The following WFS1 variants were observed in gnomAD, a reference collection of about 807,000 sequenced individuals.
The protein encoded by WFS1 is wolframin.
A neutral mutation model predicts 68.5 loss-of-function variants in WFS1; 90 were observed. The ratio of observed to expected loss-of-function variants is 1.31; its 90% CI spans 1.11 to 1.56. WFS1 has a LOEUF of 1.56. Among genes scored for constraint, WFS1 ranks in the 40% most tolerant of loss-of-function variants. WFS1 has a pLI of 0.00. For synonymous variants in WFS1, 860 were observed against 540.7 expected (o/e 1.59, Z -8.19); for missense variants, 1,767 against 1,232.6 (o/e 1.43, Z -6.49).
At chr4:6,276,949 G>A (rs1319836876) in intron 1 of WFS1, among the ~76,000 whole-genome samples, 1 of 152,208 alleles carries the variant, frequency 6.6e-6, no homozygotes, top group African/African-American at 2.4e-5. Context: ...ATCAGCTCTT[G>A]GAGCCAGGGC....
rs781575919 is a variant in WFS1, at chr4:6,300,877, C to A, written c.1082C>A (p.Thr361Asn). ...YLSFISMVICTLKVFQDSKAW... is the reference protein window; with the variant it reads ...YLSFISMVICNLKVFQDSKAW... ...TCCTTCATCTCCATGGTGATCTGCA[C>A]CCTCAAGGTGTTCCAGGACAGCAAG... Residue 361 changes from threonine (T) to asparagine (N), a missense_variant, in exon 8 of 8, where the codon ACC (threonine) becomes AAC (asparagine). Coordinates refer to ENST00000226760, the MANE Select transcript of WFS1 (RefSeq NM_006005.3). 1 of 1,614,138 alleles carries A rather than the reference C, an allele frequency of 6.2e-7. No individual in the cohort carries two copies.
In WFS1 at chr4:6,293,822, C is replaced by T. The variant is rs112592966; in HGVS notation, c.713-1219C>T. 0.032 allele frequency among the ~76,000 whole-genome samples: 4,946 copies of T among 152,270 alleles called. 119 individuals are homozygous for T. Among genetic ancestry groups the T allele is most frequent in the East Asian group, 0.054 (279 of 5,166 alleles). ...TGTGTGGGTGGCATTGGTGACCACTCTCGTGTGTCAGACGCCGTCCTGAAC... is the reference window on the plus strand; with the variant it reads ...TGTGTGGGTGGCATTGGTGACCACTTTCGTGTGTCAGACGCCGTCCTGAAC... On this transcript the variant is annotated intron_variant, in intron 6 of 7. Coordinates refer to ENST00000226760, the MANE Select transcript of WFS1 (RefSeq NM_006005.3).
rs112770295 is a variant in WFS1, at chr4:6,277,246, G to C, written c.-5-205G>C. Among the ~76,000 whole-genome samples the C allele has an allele frequency of 0.018, 2,711 of 152,356 alleles. 73 individuals carry two copies. Among genetic ancestry groups the C allele is most frequent in the African/African-American group, 0.061 (2,516 of 41,584 alleles). On this transcript the variant is annotated intron_variant, in intron 1 of 7. Transcript: ENST00000226760. ...TTGTAAGTGCCATGCCATCTGTAGA[G>C]TCACGTGGGTGAGTGTCCTCCCATG...
chr4:6,302,523 G>T lies in WFS1; in HGVS notation c.*55G>T. 1.2e-6 allele frequency: 2 copies of T among 1,605,170 alleles called. No individual in the cohort carries two copies. The highest frequency in any genetic ancestry group is 8.5e-7 in the Non-Finnish European group (1 of 1,178,296). On this transcript the variant is annotated 3_prime_UTR_variant, in exon 8 of 8. Coordinates refer to ENST00000226760, the MANE Select transcript of WFS1 (RefSeq NM_006005.3). Reference sequence around the variant, plus strand: ...CATGTTGCCATGAGGCCTTTCCCCAGTGTGGCCCCAGCCCGACAGGCATGC... The same window carrying T: ...CATGTTGCCATGAGGCCTTTCCCCATTGTGGCCCCAGCCCGACAGGCATGC...
intron 7 of WFS1, among the ~76,000 whole-genome samples, chr4:6,300,200 C>T (rs372324563): frequency 1.3e-5 from 2 of 152,144 alleles, no homozygotes; most frequent in African/African-American, 4.8e-5. Context: ...ATCGCCATTT[C>T]CCTTCATGGA....
At chr4:6,277,815 G>C in intron 2 of WFS1, 128 bp downstream of exon 2, 1 of 1,115,946 alleles carries the variant, frequency 9.0e-7, no homozygotes, top group Non-Finnish European at 1.3e-6. Flanking sequence ...CAGCTCCCAT[G>C]CTGTGCACAG....
chr4:6,302,177 G>C lies in WFS1; in HGVS notation c.2382G>C (p.Glu794Asp). The C allele has an allele frequency of 6.2e-7, 1 of 1,612,582 alleles. No homozygotes were observed. Among genetic ancestry groups the C allele is most frequent in the Non-Finnish European group, 8.5e-7 (1 of 1,179,928 alleles). ...GCGCTGACGGCTCGCGCAGCCGCGA[G>C]GAGGACGACGTCACCAAGGACATCG... ...SSGADGSRSR[E>D]EDDVTKDIVL... Residue 794 changes from glutamate (E) to aspartate (D), a missense_variant, in exon 8 of 8, where the codon GAG becomes GAC. By Grantham distance (45) the Glu-to-Asp change is conservative. Transcript: ENST00000226760.
chr4:6,291,329 C>T lies in WFS1; in HGVS notation c.593C>T (p.Ala198Val), dbSNP rs142687752. Residue 198 changes from alanine to valine, a missense_variant, in exon 5 of 8, where the codon GCG becomes GTG. Ala to Val is a moderately conservative substitution (Grantham distance 64). Transcript: ENST00000226760. The part of the protein sequence containing the change: ...NPKKKKQVAV[A>V]ELLENVGQVN... ...AAGAAGAAGAAGCAGGTGGCCGTGG[C>T]GGAGCTGCTGGAGAATGTCGGCCAG... The T allele has an allele frequency of 3.1e-6, 5 of 1,613,190 alleles. No individual in the cohort carries two copies. Among genetic ancestry groups the T allele is most frequent in the Middle Eastern group, 3.3e-4 (2 of 6,084 alleles).
chr4:6,286,778 G>A (rs1289093856), intron 2 of WFS1, among the ~76,000 whole-genome samples: 4 of 152,228 alleles, frequency 2.6e-5, no homozygotes, highest in African/African-American at 9.6e-5. Context: ...AGGCCAAGGG[G>A]TGTGATGGTG....
chr4:6,296,747 C>T (rs1560414165), intron 7 of WFS1, among the ~76,000 whole-genome samples: 1 of 152,264 alleles, frequency 6.6e-6, no homozygotes, highest in Non-Finnish European at 1.5e-5. Flanking sequence ...TGCCTCCTTG[C>T]ATATGCGTCC....
rs1730198571 is a variant in WFS1 at position 6,282,523 on chromosome 4, C to T, written c.233-4570C>T. The stretch of plus-strand genomic sequence containing the variant: ...ACCCTTGGAGACGGGAGGATTACAT[C>T]ATATTTATTTACCACATGCCTAAGA... On this transcript the variant is annotated intron_variant, in intron 2 of 7. Transcript: ENST00000226760. Among the ~76,000 whole-genome samples, 2 of 152,318 alleles carry T rather than the reference C, an allele frequency of 1.3e-5. 1 individual carries two copies. Among genetic ancestry groups the T allele is most frequent in the South Asian group, 4.1e-4 (2 of 4,832 alleles).
rs1371436094 is a variant in WFS1 at position 6,295,029 on chromosome 4, C to G, written c.713-12C>G. The G allele has an allele frequency of 5.0e-6, 8 of 1,613,288 alleles. No individual in the cohort carries two copies. The highest frequency in any genetic ancestry group is 6.8e-6 in the Non-Finnish European group (8 of 1,180,000). On this transcript the variant is annotated splice_polypyrimidine_tract_variant and intron_variant, in intron 6 of 7. Transcript: ENST00000226760. Reference sequence around the variant, plus strand: ...GTGTGGGGCGCCCATGCTGTTTTCTCTCATGCTTCAGCCAAGAACTACATC... The same window carrying G: ...GTGTGGGGCGCCCATGCTGTTTTCTGTCATGCTTCAGCCAAGAACTACATC...
At chr4:6,274,540 G>T (rs1429352031) in intron 1 of WFS1, among the ~76,000 whole-genome samples, 1 of 152,134 alleles carries the variant, frequency 6.6e-6, no homozygotes, top group African/African-American at 2.4e-5. Flanking sequence ...CTCTAGCAGA[G>T]GGAGGGCTCT....
In WFS1 at chr4:6,281,277, G is replaced by T. The variant is rs552820249; in HGVS notation, c.232+3590G>T. The stretch of plus-strand genomic sequence containing the variant: ...GGGTGTGGGGAAAGCAGGCACCCCA[G>T]CTCCTACACTAAGGGCACCCTGGGC... On this transcript the variant is annotated intron_variant, in intron 2 of 7. Coordinates refer to ENST00000226760, the MANE Select transcript of WFS1 (RefSeq NM_006005.3). Among the ~76,000 whole-genome samples the T allele has an allele frequency of 1.1e-4, 17 of 152,260 alleles. No homozygotes were observed. In the South Asian group the frequency reaches 3.5e-3, roughly 32 times the overall value.
At chr4:6,293,240 C>G (rs994518932) in intron 6 of WFS1, among the ~76,000 whole-genome samples, 1 of 152,152 alleles carries the variant, frequency 6.6e-6, no homozygotes, top group African/African-American at 2.4e-5. Context: ...TGTGATGAGC[C>G]GGGCACACCT....
chr4:6,290,282 C>T (rs1204163362), intron 4 of WFS1, among the ~76,000 whole-genome samples: 2 of 152,212 alleles, frequency 1.3e-5, no homozygotes, highest in African/African-American at 4.8e-5. Context: ...AGAGTCTTCT[C>T]TTTGAAAATT....
At chr4:6,286,942 G>T in intron 2 of WFS1, 151 bp from the exon 3 acceptor site, 1 of 754,432 alleles carries the variant, frequency 1.3e-6, no homozygotes, top group East Asian at 2.7e-5. Flanking sequence ...CATCTTCCCT[G>T]TCTGTGTCTG....
Position 6,301,480 on chromosome 4 carries a change from G to A in WFS1, c.1685G>A (p.Gly562Asp), listed in dbSNP as rs1560419855. The change falls in exon 8 of 8, where the codon GGC (glycine) becomes GAC (aspartate). Residue 562 changes from glycine (G) to aspartate (D), a missense_variant. Gly to Asp is a moderately conservative substitution (Grantham distance 94, BLOSUM62 -1). Transcript: ENST00000226760. ...TGLGLLRASI[G>D]YFLFLFALPI... ...CTGGGGCTGCTCCGCGCCTCCATCG[G>A]CTACTTCCTCTTCCTCTTTGCCCTC... is the stretch of plus-strand genomic sequence containing the variant. 1.2e-6 allele frequency: 2 copies of A among 1,612,938 alleles called. No individual in the cohort carries two copies. Among genetic ancestry groups the A allele is most frequent in the Admixed American group, 3.3e-5 (2 of 60,006 alleles).
Position 6,295,147 on chromosome 4 carries a change from G to A in WFS1, c.819G>A (p.Glu273=). 2 of 1,612,744 alleles carry A rather than the reference G, an allele frequency of 1.2e-6. No homozygotes were observed. The highest frequency in any genetic ancestry group is 1.7e-6 in the Non-Finnish European group (2 of 1,180,028). ...TGCAGGACGACGAAGATGATGACGA[G>A]CTGGCGGGGAAGAGCCCTGAGGACC... The part of the protein sequence containing the change: ...LFLQDDEDDD[E]LAGKSPEDLP... Residue 273 remains glutamate (E), a synonymous_variant, in exon 7 of 8, where the codon GAG becomes GAA. Transcript: ENST00000226760.
Sources: gnomAD v4.1 joint callset for allele counts (sites outside exome capture counted in the v4.1 genomes callset) on GRCh38, gnomAD v4.1.1 for gene constraint, MANE v1.5 for transcripts, NCBI Gene and HGNC (gene_info 2026-07-23, HGNC 2026-07-21) for gene names.